Variants in DHDDS observed in about 807,000 individuals in gnomAD.
DHDDS encodes dehydrodolichyl diphosphate synthase subunit.
DHDDS carries 16 observed loss-of-function variants against 46.2 expected under a neutral mutation model. The observed-to-expected ratio is 0.35, with a 90% CI of 0.23 to 0.53. The LOEUF (loss-of-function observed/expected upper bound fraction) is 0.53, where lower values mean the gene tolerates loss of function less well. Ranked by LOEUF, DHDDS falls within the 20% of genes least tolerant of loss-of-function variation. DHDDS has a pLI of 0.94. For missense variants in DHDDS, 340 were observed against 423.7 expected (o/e 0.80, Z 1.73); for synonymous variants, 151 against 163.1 (o/e 0.93, Z 0.56).
At chr1:26,455,703 G>A (rs144034378) in intron 6 of DHDDS, among the ~76,000 whole-genome samples, 1,999 of 152,114 alleles carry the variant, frequency 0.013, 37 homozygotes, top group African/African-American at 0.045. Flanking sequence ...CCAAGATTGC[G>A]CCACTGCACT....
chr1:26,448,553 G>A (rs921987454), intron 6 of DHDDS: 2 of 152,144 alleles, frequency 1.3e-5, no homozygotes, highest in African/African-American at 4.8e-5. Context: ...AGAGACTTTT[G>A]AAGCCATTTA....
chr1:26,465,104 G>A (rs1395141583), intron 8 of DHDDS, among the ~76,000 whole-genome samples: 1 of 152,208 alleles, frequency 6.6e-6, no homozygotes, highest in Admixed American at 6.5e-5. Context: ...GTGCGGCAGT[G>A]CAGAGCAGCT....
rs781521085 is a variant in DHDDS, at chr1:26,460,143, A to G, written c.764A>G (p.Gln255Arg). The G allele has an allele frequency of 3.1e-6, 5 of 1,612,110 alleles. 1 individual carries two copies. The Admixed American group carries it at 8.3e-5, about 27-fold the overall frequency. ...LQFQMNHSVL[Q>R]KARDMYAEER... Reference sequence around the variant, plus strand: ...TTCCAGATGAACCATAGCGTGCTTCAGGTAAGAAAGAGTTCAGGGCTGGCC... The same window carrying G: ...TTCCAGATGAACCATAGCGTGCTTCGGGTAAGAAAGAGTTCAGGGCTGGCC... Residue 255 changes from glutamine (Q) to arginine (R), a missense_variant and splice_region_variant, in exon 8 of 9, where the codon CAG (glutamine) becomes CGG (arginine). Physicochemically the swap from Gln to Arg is conservative, Grantham distance 43. Transcript: ENST00000236342.
chr1:26,441,686 G>A (rs547900935), intron 3 of DHDDS, among the ~76,000 whole-genome samples: 6 of 152,066 alleles, frequency 3.9e-5, no homozygotes, highest in Non-Finnish European at 5.9e-5. Context: ...CCTGAGGTCA[G>A]GAGTTCGAGA....
intron 5 of DHDDS, 106 bp downstream of exon 5, chr1:26,446,538 A>G (rs2075270727): frequency 9.8e-7 from 1 of 1,016,924 alleles, no homozygotes; most frequent in South Asian, 1.3e-5. Flanking sequence ...TGCAAGGGGC[A>G]ATGAGAGAGT....
intron 8 of DHDDS, among the ~76,000 whole-genome samples, chr1:26,465,867 T>G (rs2245071): frequency 0.081 from 12,380 of 152,200 alleles, 670 homozygotes; most frequent in African/African-American, 0.15. Flanking sequence ...CCCTCAGAAA[T>G]GCATTCCTCA....
intron 8 of DHDDS, among the ~76,000 whole-genome samples, chr1:26,461,153 C>A (rs777080543): frequency 6.6e-6 from 1 of 152,076 alleles, no homozygotes; most frequent in African/African-American, 2.4e-5. Context: ...GGATTACAGG[C>A]GTGAAGAGCC....
At chr1:26,456,139 G>C (rs897871687) in intron 6 of DHDDS, among the ~76,000 whole-genome samples, 3 of 152,130 alleles carry the variant, frequency 2.0e-5, no homozygotes. Flanking sequence ...TGATCATATT[G>C]CTGTTTATTT....
At chr1:26,453,129 T>C (rs2075337442) in intron 6 of DHDDS, among the ~76,000 whole-genome samples, 1 of 150,396 alleles carries the variant, frequency 6.6e-6, no homozygotes, top group Non-Finnish European at 1.5e-5. Context: ...CACACTCACT[T>C]TTGACATAAA....
intron 8 of DHDDS, chr1:26,467,089 A>AT: frequency 7.8e-6 from 2 of 256,124 alleles, no homozygotes; most frequent in South Asian, 8.6e-5. Context: ...GCCAGCTCAA[A>AT]TTCTGTCTGT....
At chr1:26,452,346 G>A (rs114543058) in intron 6 of DHDDS, among the ~76,000 whole-genome samples, 58 of 152,248 alleles carry the variant, frequency 3.8e-4, no homozygotes, top group African/African-American at 1.1e-3. Context: ...CCTGACCGAG[G>A]TATATATGTA....
chr1:26,469,291 T>A lies in DHDDS; in HGVS notation c.*160T>A. The stretch of plus-strand genomic sequence containing the variant: ...GCCAGGTTTGCTGGCCATAGATACC[T>A]TTGGGCTGCCTGGGACAGGCTCCTG... On this transcript the variant is annotated 3_prime_UTR_variant, in exon 9 of 9. Coordinates refer to ENST00000236342, the MANE Select transcript of DHDDS (RefSeq NM_205861.3). 2.9e-6 allele frequency: 4 copies of A among 1,359,182 alleles called. No homozygotes were observed. Among genetic ancestry groups the A allele is most frequent in the Non-Finnish European group, 4.1e-6 (4 of 986,738 alleles). The allele number at this position is 1,359,182 out of a possible 1,614,324, so 84.2% of individuals were successfully genotyped here. A position where few individuals can be genotyped will look rare whatever the true frequency, so the allele number is the denominator to read the frequency against.
chr1:26,449,442 C>A (rs1392830053), intron 6 of DHDDS, among the ~76,000 whole-genome samples: 1 of 152,132 alleles, frequency 6.6e-6, no homozygotes, highest in Non-Finnish European at 1.5e-5. Context: ...ACTCTATCGC[C>A]CAGGCTGGCG....
intron 3 of DHDDS, among the ~76,000 whole-genome samples, chr1:26,441,301 C>T (rs986466173): frequency 3.3e-5 from 5 of 151,664 alleles, no homozygotes; most frequent in Non-Finnish European, 7.4e-5. Context: ...CTGGTTCAAG[C>T]GATTCTCCTG....
chr1:26,460,040 T>C lies in DHDDS; in HGVS notation c.661T>C (p.Ser221Pro), dbSNP rs1249404902. 2 of 1,613,626 alleles carry C rather than the reference T, an allele frequency of 1.2e-6. No individual in the cohort carries two copies. Among genetic ancestry groups the C allele is most frequent in the Non-Finnish European group, 1.7e-6 (2 of 1,179,708 alleles). The change falls in exon 8 of 9, where the codon TCT (serine) becomes CCT (proline). Residue 221 changes from serine (S) to proline (P), a missense_variant. Ser to Pro is a moderately conservative substitution (Grantham distance 74). Around this residue, in one of 2 missense-constraint regions of DHDDS, gnomAD observed 268 missense variants for 300.3 expected, o/e 0.89. Transcript: ENST00000236342. The stretch of plus-strand genomic sequence containing the variant: ...CTCTCCTCCCTACCTTTCCCAGACC[T>C]CTCACTCCTGCCTGGTGTTCCAACC... ...RLSDFLLWQT[S>P]HSCLVFQPVL...
At chr1:26,442,336 C>T (rs1229995897) in intron 3 of DHDDS, among the ~76,000 whole-genome samples, 2 of 152,116 alleles carry the variant, frequency 1.3e-5, no homozygotes, top group Non-Finnish European at 2.9e-5. Flanking sequence ...GTTCGTTAGC[C>T]ACCTTGTAAG....
intron 5 of DHDDS, among the ~76,000 whole-genome samples, chr1:26,446,970 G>A (rs1479044067): frequency 6.6e-6 from 1 of 152,132 alleles, no homozygotes; most frequent in Admixed American, 6.5e-5. Context: ...CTTTGTTTGT[G>A]CCAATATCAC....
At chr1:26,450,292 A>C (rs1040807324) in intron 6 of DHDDS, among the ~76,000 whole-genome samples, 1 of 152,204 alleles carries the variant, frequency 6.6e-6, no homozygotes, top group Admixed American at 6.5e-5. Flanking sequence ...ACAGACGTGC[A>C]CCACCTACCC....
rs114738916 is a variant in DHDDS at position 26,462,336 on chromosome 1, T to C, written c.765+2192T>C. On this transcript the variant is annotated intron_variant, in intron 8 of 8. Transcript: ENST00000236342. ...ATGCCTGGCCGTCATATTCTAATGA[T>C]TATGATAATAGTAATTATCATCTTT... Among the ~76,000 whole-genome samples, 407 of 152,310 alleles carry C rather than the reference T, an allele frequency of 2.7e-3. 1 individual carries two copies. Among genetic ancestry groups the C allele is most frequent in the African/African-American group, 9.2e-3 (384 of 41,570 alleles).
Sources: gnomAD v4.1 joint callset for allele counts (sites outside exome capture counted in the v4.1 genomes callset) on GRCh38, gnomAD v4.1.1 for gene constraint, gnomAD v4.1.1 regional missense constraint, MANE v1.5 for transcripts, NCBI Gene and HGNC (gene_info 2026-07-23, HGNC 2026-07-21) for gene names.